Variants in GALNT13 observed in about 807,000 individuals in gnomAD.
GALNT13 encodes UDP-GalNAc:polypeptide N-acetylgalactosaminyltransferase 13.
GALNT13 carries 28 observed loss-of-function variants against 64.2 expected under a neutral mutation model. The ratio of observed to expected loss-of-function variants is 0.44; its 90% CI spans 0.32 to 0.60. The LOEUF is 0.60. Among genes scored for constraint, GALNT13 ranks in the 20% least tolerant of loss-of-function variants. The probability of loss-of-function intolerance (pLI) is 0.05; values close to 1 mark genes in which losing one functional copy is unlikely to be tolerated. For missense variants in GALNT13, 577 were observed against 669.8 expected (o/e 0.86, Z 1.53); for synonymous variants, 214 against 224.6 (o/e 0.95, Z 0.42).
chr2:154,260,351 T>C (rs1353363408), intron 8 of GALNT13, among the ~76,000 whole-genome samples: 3 of 152,170 alleles, frequency 2.0e-5, no homozygotes, highest in Non-Finnish European at 4.4e-5. Flanking sequence ...ATACGTGTGA[T>C]GTTGTGTAAG....
intron 4 of GALNT13, among the ~76,000 whole-genome samples, chr2:154,148,744 A>G (rs1441100388): frequency 2.6e-5 from 4 of 152,126 alleles, no homozygotes; most frequent in Non-Finnish European, 4.4e-5. Context: ...GTGTCTGTTC[A>G]TGTCCTTCGC....
chr2:153,392,851 A>G, the GALNT13 span, among the ~76,000 whole-genome samples: 1 of 152,020 alleles, frequency 6.6e-6, no homozygotes, highest in African/African-American at 2.4e-5. Context: ...TCAGGAGGTA[A>G]TTAGGTCAAG....
At chr2:154,152,446 T>G (rs1431655436) in intron 4 of GALNT13, among the ~76,000 whole-genome samples, 1 of 152,180 alleles carries the variant, frequency 6.6e-6, no homozygotes, top group Non-Finnish European at 1.5e-5. Flanking sequence ...TTTGTGGCGT[T>G]CTCTGTATTT....
chr2:154,032,706 A>G (rs1463496316), intron 3 of GALNT13, among the ~76,000 whole-genome samples: 14 of 151,936 alleles, frequency 9.2e-5, no homozygotes, highest in Non-Finnish European at 5.9e-5. Flanking sequence ...TTCAACATCT[A>G]TTCCTGTTAA....
At chr2:153,121,955 T>C in the GALNT13 span, among the ~76,000 whole-genome samples, 1 of 152,220 alleles carries the variant, frequency 6.6e-6, no homozygotes. Flanking sequence ...TTTTTATGTT[T>C]GTAATTATGG....
chr2:153,820,986 A>G, the GALNT13 span, among the ~76,000 whole-genome samples: 1 of 150,056 alleles, frequency 6.7e-6, no homozygotes, highest in Admixed American at 6.8e-5. Flanking sequence ...ACGTAATGAC[A>G]CCCATAGGAT....
chr2:153,340,349 TA>T, the GALNT13 span, among the ~76,000 whole-genome samples: 1 of 152,180 alleles, frequency 6.6e-6, no homozygotes, highest in African/African-American at 2.4e-5. Context: ...CTTCTAGTAC[TA>T]TATTAAATAG....
the GALNT13 span, among the ~76,000 whole-genome samples, chr2:153,383,096 T>G: frequency 6.4e-3 from 981 of 152,244 alleles, 35 homozygotes; most frequent in Admixed American, 0.045. Flanking sequence ...AATGTTCAGT[T>G]TCTTTTAGTA....
At chr2:153,884,223 A>G (rs917251753) in intron 1 of GALNT13, among the ~76,000 whole-genome samples, 1 of 152,076 alleles carries the variant, frequency 6.6e-6, no homozygotes, top group Non-Finnish European at 1.5e-5. Context: ...AGTGACTTAG[A>G]TAATGGCTAA....
intron 3 of GALNT13, among the ~76,000 whole-genome samples, chr2:154,129,171 C>G (rs1401653487): frequency 6.6e-6 from 1 of 152,172 alleles, no homozygotes; most frequent in South Asian, 2.1e-4. Context: ...TCCTAAACTA[C>G]CTTTTATGGT....
At chr2:153,216,560 C>T in the GALNT13 span, among the ~76,000 whole-genome samples, 4 of 151,998 alleles carry the variant, frequency 2.6e-5, no homozygotes, top group Non-Finnish European at 5.9e-5. Flanking sequence ...TCCCTAATGA[C>T]TAATGATGTT....
At chr2:153,272,954 A>G in the GALNT13 span, among the ~76,000 whole-genome samples, 1 of 152,208 alleles carries the variant, frequency 6.6e-6, no homozygotes, top group African/African-American at 2.4e-5. Context: ...GGATGAGTTC[A>G]TGTCCTTTGT....
chr2:154,381,040 A>G (rs992817390), intron 9 of GALNT13, among the ~76,000 whole-genome samples: 4 of 152,074 alleles, frequency 2.6e-5, no homozygotes, highest in Non-Finnish European at 4.4e-5. Context: ...ATAATCATCA[A>G]AGTGACACCT....
chr2:153,221,990 T>TC, the GALNT13 span, among the ~76,000 whole-genome samples: 1 of 151,930 alleles, frequency 6.6e-6, no homozygotes, highest in Admixed American at 6.6e-5. Context: ...CTCTCCTTAT[T>TC]CCCCCAAGGT....
chr2:154,178,754 T>C (rs1685797136), intron 4 of GALNT13, among the ~76,000 whole-genome samples: 1 of 152,174 alleles, frequency 6.6e-6, no homozygotes, highest in Non-Finnish European at 1.5e-5. Context: ...GCCGGCATCA[T>C]GGTCAATGTC....
Position 154,450,424 on chromosome 2 carries a change from GACATGTTA to G in GALNT13, c.1548_1555del (p.His516GlnfsTer2), listed in dbSNP as rs781129989. ...TATCTTTTACAGAGACTCACGTTGC[GACATGTTA>G]ACAGTAACCAATGTCTCGATGAACC... On this transcript the variant is annotated frameshift_variant, in exon 13 of 13. Coordinates refer to ENST00000392825, the MANE Select transcript of GALNT13 (RefSeq NM_052917.4). LOFTEE classifies it high-confidence loss of function. The G allele has an allele frequency of 3.1e-6, 5 of 1,611,070 alleles. No individual in the cohort carries two copies. In the Admixed American group the frequency reaches 8.4e-5, roughly 27 times the overall value.
chr2:153,841,547 G>T, the GALNT13 span, among the ~76,000 whole-genome samples: 2 of 152,060 alleles, frequency 1.3e-5, no homozygotes, highest in Non-Finnish European at 2.9e-5. Context: ...AAATTGAGGA[G>T]GAGAGATATT....
At chr2:153,845,594 C>T in the GALNT13 span, among the ~76,000 whole-genome samples, 7 of 152,034 alleles carry the variant, frequency 4.6e-5, no homozygotes, top group East Asian at 3.9e-4. Flanking sequence ...GAGATTTGGA[C>T]GGGGACAGAT....
intron 4 of GALNT13, among the ~76,000 whole-genome samples, chr2:154,148,222 A>G (rs1402702575): frequency 2.0e-5 from 3 of 151,730 alleles, no homozygotes; most frequent in South Asian, 2.1e-4. Flanking sequence ...GATGATTTCC[A>G]ATTTCATCCA....
Sources: allele counts gnomAD v4.1 joint callset (sites outside exome capture counted in the v4.1 genomes callset), GRCh38; gene constraint gnomAD v4.1.1; transcripts MANE v1.5; gene names NCBI Gene and HGNC (gene_info 2026-07-23, HGNC 2026-07-21).